RNF150: variants seen among roughly 807,000 people sequenced by gnomAD.
RNF150 encodes ring finger protein 150.
In RNF150, 24 loss-of-function variants were observed where a neutral mutation model predicts 39.3. The ratio of observed to expected loss-of-function variants is 0.61; its 90% CI spans 0.44 to 0.86. The LOEUF is 0.86. Ranked by LOEUF, RNF150 falls within the 40% of genes least tolerant of loss-of-function variation. The probability of loss-of-function intolerance (pLI) is 0.00; values close to 1 mark genes in which losing one functional copy is unlikely to be tolerated. For synonymous variants in RNF150, 255 were observed against 227.3 expected (o/e 1.12, Z -1.10); for missense variants, 502 against 587.8 (o/e 0.85, Z 1.51).
intron 5 of RNF150, among the ~76,000 whole-genome samples, chr4:140,917,472 T>C (rs1031744264): frequency 2.6e-5 from 4 of 152,156 alleles, no homozygotes; most frequent in African/African-American, 9.7e-5. Flanking sequence ...AAGGGATCAA[T>C]TCAACAAGAA....
At chr4:140,979,311 A>G (rs937577311) in intron 1 of RNF150, among the ~76,000 whole-genome samples, 24 of 152,128 alleles carry the variant, frequency 1.6e-4, no homozygotes, top group Admixed American at 3.3e-4. Flanking sequence ...AAAATTTCCC[A>G]GCATTTCAAT....
intron 1 of RNF150, among the ~76,000 whole-genome samples, chr4:141,111,522 C>T (rs1344297615): frequency 6.6e-6 from 1 of 152,246 alleles, no homozygotes; most frequent in South Asian, 2.1e-4. Flanking sequence ...CTGGGGAGAT[C>T]CACACTTGTG....
intron 1 of RNF150, among the ~76,000 whole-genome samples, chr4:141,110,041 G>C (rs1739338467): frequency 6.6e-6 from 1 of 152,178 alleles, no homozygotes; most frequent in African/African-American, 2.4e-5. Flanking sequence ...GGGAACCAGA[G>C]AGTAGTAAGA....
chr4:141,102,146 T>C (rs1739034423), intron 1 of RNF150, among the ~76,000 whole-genome samples: 1 of 152,188 alleles, frequency 6.6e-6, no homozygotes, highest in South Asian at 2.1e-4. Context: ...AAAATGTCGT[T>C]ATGTGGCATA....
At chr4:140,996,439 G>A (rs920634793) in intron 1 of RNF150, among the ~76,000 whole-genome samples, 3 of 152,284 alleles carry the variant, frequency 2.0e-5, no homozygotes, top group Non-Finnish European at 2.9e-5. Flanking sequence ...GCATGATAGA[G>A]TAGAAAGAAA....
chr4:140,974,616 C>A (rs900247905), intron 1 of RNF150, among the ~76,000 whole-genome samples: 1 of 152,112 alleles, frequency 6.6e-6, no homozygotes, highest in Non-Finnish European at 1.5e-5. Context: ...TACATTCCCA[C>A]CAGCAATGTA....
upstream of RNF150, among the ~76,000 whole-genome samples, chr4:141,134,721 A>G (rs1284470801): frequency 6.6e-6 from 1 of 152,218 alleles, no homozygotes; most frequent in Non-Finnish European, 1.5e-5. Context: ...TTTAGAAAAT[A>G]GGCTTCTAGG....
Position 141,087,466 on chromosome 4 carries a change from C to T in RNF150, c.484+44859G>A. ...CCTACTCTATGGGGCTAATTACCTA[C>T]TTTCACCTTACATCTCTAATGACTT... is the stretch of plus-strand genomic sequence containing the variant. On this transcript the variant is annotated intron_variant, in intron 1 of 6. Transcript: ENST00000515673. Among the ~76,000 whole-genome samples, 2 of 152,164 alleles carry T rather than the reference C, an allele frequency of 1.3e-5. 1 individual carries two copies. The highest frequency in any genetic ancestry group is 2.9e-5 in the Non-Finnish European group (2 of 68,048).
chr4:140,862,778 C>G lies in RNF150; in HGVS notation c.*5483G>C, dbSNP rs1428506117. The G allele has an allele frequency of 6.6e-6, 1 of 152,132 alleles. No individual in the cohort carries two copies. Among genetic ancestry groups the G allele is most frequent in the Non-Finnish European group, 1.5e-5 (1 of 68,024 alleles). 9.4% of individuals were successfully genotyped at this position (152,132 alleles called of 1,614,324 possible). A position where few individuals can be genotyped will look rare whatever the true frequency, so the allele number is the denominator to read the frequency against. On this transcript the variant is annotated 3_prime_UTR_variant, in exon 7 of 7. Coordinates refer to ENST00000515673, the MANE Select transcript of RNF150 (RefSeq NM_020724.2). ...GTATTTAATTCCTTAAAAATACAAA[C>G]TCCCCAAAACCCAGGTCAGCTCTAA...
At chr4:141,128,365 G>T (rs1726805616) in intron 1 of RNF150, among the ~76,000 whole-genome samples, 1 of 152,186 alleles carries the variant, frequency 6.6e-6, no homozygotes, top group African/African-American at 2.4e-5. Context: ...CTTGCACAAA[G>T]ATACACAGTG....
At chr4:140,922,038 AT>A (rs1731176559) in intron 5 of RNF150, among the ~76,000 whole-genome samples, 1 of 146,514 alleles carries the variant, frequency 6.8e-6, no homozygotes, top group Admixed American at 6.9e-5. Flanking sequence ...AACTGGAAGC[AT>A]TCCCTTTGAA....
chr4:141,138,787 A>G (rs1727068771), intron 1 of RNF150, among the ~76,000 whole-genome samples: 2 of 152,210 alleles, frequency 1.3e-5, no homozygotes, highest in Admixed American at 6.5e-5. Context: ...TCCCAGGATT[A>G]TTGGAAGATT....
intron 1 of RNF150, among the ~76,000 whole-genome samples, chr4:141,105,565 T>C (rs1036270828): frequency 5.3e-5 from 8 of 152,198 alleles, no homozygotes; most frequent in East Asian, 3.9e-4. Context: ...TTCTCCTGTG[T>C]TGGTCCCCTC....
chr4:140,899,229 C>A (rs990332650), intron 6 of RNF150, among the ~76,000 whole-genome samples: 3 of 152,110 alleles, frequency 2.0e-5, no homozygotes, highest in Non-Finnish European at 4.4e-5. Flanking sequence ...ACGTGCTTTG[C>A]CTCAAAAGGG....
chr4:141,190,109 G>A (rs957762143), intron 1 of RNF150, among the ~76,000 whole-genome samples: 2 of 152,126 alleles, frequency 1.3e-5, no homozygotes, highest in African/African-American at 2.4e-5. Flanking sequence ...GCACTTCCTG[G>A]GTGAGGTGAC....
At chr4:140,909,971 C>A (rs1443736171) in intron 6 of RNF150, among the ~76,000 whole-genome samples, 1 of 152,118 alleles carries the variant, frequency 6.6e-6, no homozygotes, top group Non-Finnish European at 1.5e-5. Context: ...TGGATCATCT[C>A]AACTATATAA....
intron 2 of RNF150, among the ~76,000 whole-genome samples, chr4:140,950,008 T>C (rs1001292728): frequency 3.3e-5 from 5 of 152,198 alleles, no homozygotes; most frequent in African/African-American, 1.2e-4. Context: ...AGAAATAATA[T>C]ATCATTCTCT....
intron 6 of RNF150, among the ~76,000 whole-genome samples, chr4:140,896,197 A>T (rs1729935435): frequency 2.5e-5 from 1 of 39,932 alleles, no homozygotes. Flanking sequence ...GTATATACCC[A>T]AAGGACTATA....
chr4:140,880,618 A>C (rs900391859), intron 6 of RNF150, among the ~76,000 whole-genome samples: 1 of 151,036 alleles, frequency 6.6e-6, no homozygotes, highest in Non-Finnish European at 1.5e-5. Context: ...ATAATTCTCC[A>C]GTAAAGCCAT....
Sources: allele counts gnomAD v4.1 joint callset (sites outside exome capture counted in the v4.1 genomes callset), GRCh38; gene constraint gnomAD v4.1.1; transcripts MANE v1.5; gene names NCBI Gene and HGNC (gene_info 2026-07-23, HGNC 2026-07-21).